The following NBEAL1 variants were observed in gnomAD, a reference collection of about 807,000 sequenced individuals.
NBEAL1 encodes the protein neurobeachin-like protein 1.
In NBEAL1, 273 loss-of-function variants were observed where a neutral mutation model predicts 351.3. That is an observed-to-expected ratio of 0.78 (90% CI 0.70 to 0.86). NBEAL1 has a LOEUF of 0.86. Among genes scored for constraint, NBEAL1 ranks in the 40% least tolerant of loss-of-function variants. The probability of loss-of-function intolerance (pLI) is 0.00; values close to 1 mark genes in which losing one functional copy is unlikely to be tolerated. For missense variants in NBEAL1, 2,961 were observed against 3,201.3 expected, an observed-to-expected ratio of 0.92 and a Z score of 1.81; for synonymous variants, 1,050 against 1,086.4, an observed-to-expected ratio of 0.97 and a Z score of 0.66.
At chr2:203,117,404 A>G (rs1055296945) in intron 18 of NBEAL1, among the ~76,000 whole-genome samples, 1 of 152,078 alleles carries the variant, frequency 6.6e-6, no homozygotes, top group South Asian at 2.1e-4. Flanking sequence ...CGGAGCTTGC[A>G]TTGAGCCGAG....
chr2:203,083,132 C>T, intron 8 of NBEAL1, 87 bp from the exon 9 acceptor site: 3 of 1,151,154 alleles, frequency 2.6e-6, no homozygotes, highest in Non-Finnish European at 2.4e-6. Flanking sequence ...GAAAAGGTTG[C>T]CTGCAGATGT....
At chr2:203,079,351 G>A (rs942590089) in intron 8 of NBEAL1, among the ~76,000 whole-genome samples, 2 of 152,118 alleles carry the variant, frequency 1.3e-5, no homozygotes, top group Non-Finnish European at 2.9e-5. Flanking sequence ...CAAAGTGCTA[G>A]GATTACAGGT....
intron 36 of NBEAL1, 44 bp from the exon 37 acceptor site, chr2:203,166,105 T>C: frequency 6.7e-7 from 1 of 1,485,390 alleles, no homozygotes; most frequent in South Asian, 1.4e-5. Context: ...TTAAGAAAAA[T>C]AAATGGTTGA....
intron 51 of NBEAL1, among the ~76,000 whole-genome samples, chr2:203,203,019 A>G (rs1419252898): frequency 1.3e-5 from 2 of 152,198 alleles, no homozygotes; most frequent in African/African-American, 4.8e-5. Flanking sequence ...TTCCTAGGAA[A>G]ACGGGAATTA....
intron 4 of NBEAL1, among the ~76,000 whole-genome samples, chr2:203,051,972 T>C (rs932955044): frequency 6.6e-6 from 1 of 152,180 alleles, no homozygotes; most frequent in African/African-American, 2.4e-5. Flanking sequence ...ATTACTAATA[T>C]CTTACATTAG....
At chr2:203,137,649 T>A (rs1194542553) in intron 29 of NBEAL1, among the ~76,000 whole-genome samples, 2 of 152,212 alleles carry the variant, frequency 1.3e-5, no homozygotes, top group East Asian at 3.9e-4. Context: ...ATATTAAAGA[T>A]AAATACTCCA....
chr2:203,214,843 T>C (rs918882848), intron 55 of NBEAL1, among the ~76,000 whole-genome samples: 3 of 152,228 alleles, frequency 2.0e-5, no homozygotes, highest in Non-Finnish European at 4.4e-5. Flanking sequence ...GATCTATTTT[T>C]ATCTAAAACA....
chr2:203,027,755 C>T (rs2060882655), intron 2 of NBEAL1, among the ~76,000 whole-genome samples: 1 of 152,136 alleles, frequency 6.6e-6, no homozygotes, highest in South Asian at 2.1e-4. Flanking sequence ...GTCACCCAGG[C>T]TGGAGTACAG....
At chr2:203,043,739 A>G (rs1364893030) in intron 3 of NBEAL1, among the ~76,000 whole-genome samples, 2 of 151,960 alleles carry the variant, frequency 1.3e-5, no homozygotes, top group Non-Finnish European at 2.9e-5. Flanking sequence ...AAAAAAAAAA[A>G]AAAAAAGTGT....
intron 38 of NBEAL1, 96 bp downstream of exon 38, chr2:203,167,456 C>A: frequency 8.1e-7 from 1 of 1,238,042 alleles, no homozygotes; most frequent in Non-Finnish European, 1.1e-6. Context: ...ATTCTTTTAT[C>A]AAGACAAAAT....
intron 8 of NBEAL1, among the ~76,000 whole-genome samples, chr2:203,080,399 G>A (rs766988575): frequency 2.6e-4 from 39 of 152,184 alleles, no homozygotes; most frequent in Non-Finnish European, 2.9e-4. Context: ...GCAACAGAGC[G>A]AGACTTCATC....
intron 36 of NBEAL1, among the ~76,000 whole-genome samples, chr2:203,161,972 G>C (rs1457075153): frequency 6.6e-6 from 1 of 150,610 alleles, no homozygotes; most frequent in Non-Finnish European, 1.5e-5. Flanking sequence ...TTGTATATCT[G>C]CCCTAATGTG....
rs753440631 is a variant in NBEAL1 at position 203,021,262 on chromosome 2, G to A, written c.51+4827G>A. ...CTCCCAAAGTGCTGGGATTACAGGC[G>A]TGAGCCACTGCGCCCAGCCCAGTAT... On this transcript the variant is annotated intron_variant, in intron 2 of 55. Transcript: ENST00000683969. Among the ~76,000 whole-genome samples the A allele has an allele frequency of 6.6e-5, 10 of 151,920 alleles. No individual in the cohort carries two copies. In the South Asian group the frequency reaches 1.3e-3, roughly 19 times the overall value.
chr2:203,184,778 T>G (rs990222879), intron 44 of NBEAL1, among the ~76,000 whole-genome samples: 2 of 151,846 alleles, frequency 1.3e-5, no homozygotes, highest in Admixed American at 1.3e-4. Context: ...AAAATGAGTA[T>G]AGCCAAGTGT....
intron 6 of NBEAL1, among the ~76,000 whole-genome samples, chr2:203,066,111 C>T (rs1209140678): frequency 1.3e-5 from 2 of 152,128 alleles, no homozygotes; most frequent in Non-Finnish European, 2.9e-5. Context: ...TCATATGTTA[C>T]ATCTAATACA....
chr2:203,073,357 T>C (rs1275167752), intron 7 of NBEAL1, among the ~76,000 whole-genome samples: 1 of 152,264 alleles, frequency 6.6e-6, no homozygotes, highest in Non-Finnish European at 1.5e-5. Context: ...GGCATAAAGT[T>C]GTTCATAGTA....
At position 203,208,699 on chromosome 2, in the gene NBEAL1, G is replaced by A; in HGVS notation, c.7569G>A (p.Glu2523=). The A allele has an allele frequency of 6.2e-7, 1 of 1,612,590 alleles. No individual in the cohort carries two copies. ...AGATTCTTTATGGACACACCAACGAGGTACTGAGTGTCGGCATCAGCACTG... is the reference window on the plus strand; with the variant it reads ...AGATTCTTTATGGACACACCAACGAAGTACTGAGTGTCGGCATCAGCACTG... The part of the protein sequence containing the change: ...PFQILYGHTN[E]VLSVGISTEL... The change falls in exon 52 of 56, where the codon GAG becomes GAA. Residue 2523 remains glutamate (E), a synonymous_variant. Transcript: ENST00000683969.
intron 36 of NBEAL1, among the ~76,000 whole-genome samples, chr2:203,162,552 G>A (rs1431290379): frequency 6.6e-6 from 1 of 151,066 alleles, no homozygotes; most frequent in Admixed American, 6.6e-5. Flanking sequence ...AGACCAGCCT[G>A]GACAACATGG....
chr2:203,150,471 A>G (rs533345801), intron 34 of NBEAL1, among the ~76,000 whole-genome samples: 2 of 151,974 alleles, frequency 1.3e-5, no homozygotes, highest in Non-Finnish European at 2.9e-5. Context: ...GACCCTGATC[A>G]TATATATGAT....
Sources: gnomAD v4.1 joint callset for allele counts (sites outside exome capture counted in the v4.1 genomes callset) on GRCh38, gnomAD v4.1.1 for gene constraint, MANE v1.5 for transcripts, NCBI Gene and HGNC (gene_info 2026-07-23, HGNC 2026-07-21) for gene names.